DOCK7: variants seen among roughly 807,000 people sequenced by gnomAD.
The protein encoded by DOCK7 is dedicator of cytokinesis 7, also known as dedicator of cytokinesis protein 7.
In DOCK7, 138 loss-of-function variants were observed where a neutral mutation model predicts 271.0. That is an observed-to-expected ratio of 0.51 (90% CI 0.44 to 0.59). DOCK7 has a LOEUF of 0.59. DOCK7 is among the 20% of genes least tolerant of loss of function. DOCK7 has a pLI of 0.00. For missense variants in DOCK7, 2,066 were observed against 2,592.4 expected, an observed-to-expected ratio of 0.80 and a Z score of 4.41; for synonymous variants, 823 against 876.1, an observed-to-expected ratio of 0.94 and a Z score of 1.07.
chr1:62,616,135 T>C (rs1652402885), intron 14 of DOCK7, among the ~76,000 whole-genome samples: 1 of 151,826 alleles, frequency 6.6e-6, no homozygotes, highest in South Asian at 2.1e-4. Context: ...ATTTGATGTA[T>C]GAACTTTTTA....
intron 33 of DOCK7, chr1:62,511,070 C>G (rs1409010472): frequency 6.4e-6 from 1 of 155,434 alleles, no homozygotes; most frequent in African/African-American, 2.4e-5. Context: ...TGACTTACAA[C>G]CTGTGCAATG....
intron 43 of DOCK7, among the ~76,000 whole-genome samples, chr1:62,480,516 G>C (rs985143978): frequency 6.6e-6 from 1 of 152,154 alleles, no homozygotes; most frequent in Admixed American, 6.5e-5. Context: ...GATTAATCTT[G>C]TTGCAAGTAA....
intron 15 of DOCK7, among the ~76,000 whole-genome samples, chr1:62,583,661 T>C (rs768329016): frequency 6.6e-6 from 1 of 152,154 alleles, no homozygotes; most frequent in Non-Finnish European, 1.5e-5. Context: ...AGCAGAGTCA[T>C]TCTGAAAGTC....
chr1:62,628,107 CA>C (rs1441151319), intron 11 of DOCK7: 2 of 152,156 alleles, frequency 1.3e-5, no homozygotes, highest in Non-Finnish European at 2.9e-5. Flanking sequence ...GATTAAAGCG[CA>C]TTACATTTAT....
At chr1:62,516,788 T>G (rs1245483912) in intron 31 of DOCK7, 1 of 152,326 alleles carries the variant, frequency 6.6e-6, no homozygotes, top group Non-Finnish European at 1.5e-5. Context: ...CTCTTTATAT[T>G]GTCTCTTCTT....
chr1:62,506,338 G>C (rs778040199), intron 35 of DOCK7, among the ~76,000 whole-genome samples: 2 of 152,166 alleles, frequency 1.3e-5, no homozygotes, highest in Non-Finnish European at 2.9e-5. Flanking sequence ...CTCTGTCCCT[G>C]CTGTTTCTTT....
At chr1:62,636,027 C>T (rs1363983962) in intron 8 of DOCK7, among the ~76,000 whole-genome samples, 4 of 152,244 alleles carry the variant, frequency 2.6e-5, no homozygotes, top group Admixed American at 6.5e-5. Flanking sequence ...CCAAGATGGG[C>T]GGATCACGAG....
In DOCK7 at chr1:62,494,471, A is replaced by G; in HGVS notation, c.5025-4T>C. 6.3e-7 allele frequency: 1 copy of G among 1,590,410 alleles called. No homozygotes were observed. The highest frequency in any genetic ancestry group is 8.6e-7 in the Non-Finnish European group (1 of 1,161,548). ...GGTCTGGTAACCCTTGGCAATTCTA[A>G]TTAGAACAGAAATTCTTCTCCATTA... is the stretch of plus-strand genomic sequence containing the variant. On this transcript the variant is annotated splice_region_variant and splice_polypyrimidine_tract_variant and intron_variant, in intron 39 of 49. Coordinates refer to ENST00000635253, the MANE Select transcript of DOCK7 (RefSeq NM_001367561.1).
Position 62,488,997 on chromosome 1 carries a change from A to G in DOCK7, c.5430T>C (p.Asp1810=), listed in dbSNP as rs1163879237. The part of the protein sequence containing the change: ...VLIPIHEANR[D]AKKLSTIHGK... ...CATGAATTGTGGATAGTTTCTTTGCATCCCGATTAGCTTCATGAATAGGAA... is the reference window on the plus strand; with the variant it reads ...CATGAATTGTGGATAGTTTCTTTGCGTCCCGATTAGCTTCATGAATAGGAA... Residue 1810 remains aspartate, a synonymous_variant, in exon 42 of 50, where the codon GAT becomes GAC. Coordinates refer to ENST00000635253, the MANE Select transcript of DOCK7 (RefSeq NM_001367561.1). 2 of 1,613,398 alleles carry G rather than the reference A, an allele frequency of 1.2e-6. No homozygotes were observed. Among genetic ancestry groups the G allele is most frequent in the Admixed American group, 3.3e-5 (2 of 59,960 alleles).
intron 2 of DOCK7, among the ~76,000 whole-genome samples, chr1:62,661,159 A>C (rs1658617341): frequency 6.6e-6 from 1 of 152,124 alleles, no homozygotes; most frequent in Non-Finnish European, 1.5e-5. Context: ...TCTGCTAAGT[A>C]AAATAAGCTA....
intron 14 of DOCK7, among the ~76,000 whole-genome samples, chr1:62,600,505 A>G (rs955722358): frequency 1.3e-5 from 2 of 151,856 alleles, no homozygotes; most frequent in African/African-American, 4.8e-5. Context: ...CATTCAATAA[A>G]TTGCAAACCC....
chr1:62,583,271 C>T lies in DOCK7; in HGVS notation c.1801-17G>A. On this transcript the variant is annotated splice_polypyrimidine_tract_variant and intron_variant, in intron 15 of 49. Coordinates refer to ENST00000635253, the MANE Select transcript of DOCK7 (RefSeq NM_001367561.1). ...AAAGATTACCTGAAACAAATAACAG[C>T]ATGTTGAAACTTTGTTGTAGTAAAT... The T allele has an allele frequency of 4.4e-6, 7 of 1,599,876 alleles. No homozygotes were observed. Among genetic ancestry groups the T allele is most frequent in the Non-Finnish European group, 6.0e-6 (7 of 1,168,202 alleles).
chr1:62,620,414 T>C (rs1278813855), intron 12 of DOCK7, among the ~76,000 whole-genome samples: 1 of 151,948 alleles, frequency 6.6e-6, no homozygotes, highest in Non-Finnish European at 1.5e-5. Context: ...ACAATGTAGT[T>C]AGAATAAAAA....
intron 28 of DOCK7, among the ~76,000 whole-genome samples, chr1:62,536,116 T>G (rs1645338642): frequency 6.9e-6 from 1 of 144,662 alleles, no homozygotes; most frequent in African/African-American, 2.5e-5. Context: ...GTCTGAGTTT[T>G]TTTTTTAACA....
At chr1:62,657,021 A>G (rs1658099813) in intron 2 of DOCK7, among the ~76,000 whole-genome samples, 1 of 152,176 alleles carries the variant, frequency 6.6e-6, no homozygotes, top group African/African-American at 2.4e-5. Context: ...AGCAATAATG[A>G]ATCTCTTACT....
At chr1:62,467,846 A>C (rs1645721494) in intron 48 of DOCK7, among the ~76,000 whole-genome samples, 1 of 152,212 alleles carries the variant, frequency 6.6e-6, no homozygotes, top group Non-Finnish European at 1.5e-5. Flanking sequence ...CATAGAAGCA[A>C]AAATCTTTAA....
At chr1:62,647,952 T>C (rs954831768) in intron 6 of DOCK7, among the ~76,000 whole-genome samples, 154 bp downstream of exon 6, 1 of 152,216 alleles carries the variant, frequency 6.6e-6, no homozygotes, top group African/African-American at 2.4e-5. Context: ...TCATTAAGAA[T>C]AGTAAATTCA....
intron 48 of DOCK7, among the ~76,000 whole-genome samples, chr1:62,468,578 G>A (rs897535091): frequency 1.3e-5 from 2 of 152,028 alleles, no homozygotes; most frequent in African/African-American, 4.8e-5. Flanking sequence ...TCAGACAAGA[G>A]AAAGAAATAA....
At chr1:62,567,859 A>C (rs534016797) in intron 18 of DOCK7, among the ~76,000 whole-genome samples, 25 of 152,232 alleles carry the variant, frequency 1.6e-4, no homozygotes, top group African/African-American at 4.6e-4. Context: ...AGCTTTTAAA[A>C]ATTTCTTTAA....
Sources: allele counts gnomAD v4.1 joint callset (sites outside exome capture counted in the v4.1 genomes callset), GRCh38; gene constraint gnomAD v4.1.1; transcripts MANE v1.5; gene names NCBI Gene and HGNC (gene_info 2026-07-23, HGNC 2026-07-21).